CLSTN2: variants seen among roughly 807,000 people sequenced by gnomAD.
CLSTN2 encodes calsyntenin 2.
CLSTN2 carries 48 observed loss-of-function variants against 101.2 expected under a neutral mutation model. That is an observed-to-expected ratio of 0.47 (90% confidence interval 0.38 to 0.60). CLSTN2 has a LOEUF of 0.60. Among genes scored for constraint, CLSTN2 ranks in the 20% least tolerant of loss-of-function variants. The pLI is 0.00. For missense variants in CLSTN2, 1,160 were observed against 1,238.2 expected, an observed-to-expected ratio of 0.94 and a Z score of 0.95; for synonymous variants, 481 against 463.6, an observed-to-expected ratio of 1.04 and a Z score of -0.48.
At chr3:140,262,878 C>T (rs2086665758) in intron 2 of CLSTN2, among the ~76,000 whole-genome samples, 1 of 151,954 alleles carries the variant, frequency 6.6e-6, no homozygotes, top group African/African-American at 2.4e-5. Flanking sequence ...TAAGCCAGGA[C>T]CGGACCTCTT....
intron 1 of CLSTN2, among the ~76,000 whole-genome samples, chr3:140,007,771 A>G (rs1186722449): frequency 6.6e-6 from 1 of 152,132 alleles, no homozygotes; most frequent in Admixed American, 6.5e-5. Flanking sequence ...GTGCATACTG[A>G]GACTGTACAT....
chr3:140,407,753 A>G lies in CLSTN2; in HGVS notation c.637+2987A>G, dbSNP rs537788191. ...TCATCTGCTAGCTAGTTTTTCTGAGATAAGTAGAGCTTGGGTCCTCAAAAT... is the reference window on the plus strand; with the variant it reads ...TCATCTGCTAGCTAGTTTTTCTGAGGTAAGTAGAGCTTGGGTCCTCAAAAT... On this transcript the variant is annotated intron_variant, in intron 4 of 16. Transcript: ENST00000458420. Among the ~76,000 whole-genome samples the G allele has an allele frequency of 5.9e-5, 9 of 152,302 alleles. No individual in the cohort carries two copies. The South Asian group carries it at 1.7e-3, about 28-fold the overall frequency.
At chr3:140,491,920 T>C (rs1190557460) in intron 8 of CLSTN2, among the ~76,000 whole-genome samples, 2 of 152,160 alleles carry the variant, frequency 1.3e-5, no homozygotes, top group Non-Finnish European at 2.9e-5. Flanking sequence ...AATACTTCCT[T>C]TGGGAGACTC....
chr3:140,191,111 T>A (rs1049322637), intron 2 of CLSTN2, among the ~76,000 whole-genome samples: 10 of 152,102 alleles, frequency 6.6e-5, no homozygotes, highest in African/African-American at 2.4e-4. Flanking sequence ...TCTGTGAGGT[T>A]TTTTTAAAAA....
At chr3:140,084,538 A>G (rs867527328) in intron 1 of CLSTN2, among the ~76,000 whole-genome samples, 9 of 152,224 alleles carry the variant, frequency 5.9e-5, no homozygotes, top group African/African-American at 2.2e-4. Context: ...AGTCTACTGA[A>G]GTCTATCAGA....
intron 1 of CLSTN2, among the ~76,000 whole-genome samples, chr3:140,165,839 C>G (rs1027433534): frequency 2.0e-5 from 3 of 152,298 alleles, no homozygotes; most frequent in South Asian, 2.1e-4. Context: ...ATTACAAGAA[C>G]AGATACTCAA....
intron 1 of CLSTN2, among the ~76,000 whole-genome samples, chr3:140,156,475 C>T (rs1323144227): frequency 2.0e-5 from 3 of 152,166 alleles, no homozygotes; most frequent in Admixed American, 2.0e-4. Flanking sequence ...AACTGAGGAC[C>T]TGACCAGGCA....
intron 1 of CLSTN2, among the ~76,000 whole-genome samples, chr3:140,042,309 C>A (rs941682552): frequency 6.6e-6 from 1 of 152,184 alleles, no homozygotes; most frequent in Non-Finnish European, 1.5e-5. Context: ...GAGTATTGCG[C>A]ATAAATGGAA....
At chr3:140,147,644 A>T (rs2009800063) in intron 1 of CLSTN2, among the ~76,000 whole-genome samples, 1 of 151,994 alleles carries the variant, frequency 6.6e-6, no homozygotes, top group Admixed American at 6.5e-5. Context: ...TAGATCTAAG[A>T]GTATAGGCAT....
intron 1 of CLSTN2, among the ~76,000 whole-genome samples, chr3:139,977,310 G>C (rs1311987411): frequency 1.3e-5 from 2 of 152,114 alleles, no homozygotes; most frequent in Admixed American, 1.3e-4. Flanking sequence ...GACAGAAGGA[G>C]GGAAGGAGAG....
intron 8 of CLSTN2, among the ~76,000 whole-genome samples, chr3:140,516,258 C>CTACT (rs1430886940): frequency 6.6e-6 from 1 of 152,124 alleles, no homozygotes; most frequent in Non-Finnish European, 1.5e-5. Context: ...AAGACAGCAG[C>CTACT]TACTTGGTTG....
intron 10 of CLSTN2, among the ~76,000 whole-genome samples, chr3:140,546,949 T>C (rs1250443169): frequency 2.0e-5 from 3 of 152,234 alleles, no homozygotes; most frequent in African/African-American, 7.2e-5. Flanking sequence ...ACATGTTCAA[T>C]GTCCACCTGG....
chr3:140,561,198 A>G (rs776548421), intron 12 of CLSTN2, among the ~76,000 whole-genome samples: 3 of 152,144 alleles, frequency 2.0e-5, no homozygotes, highest in Non-Finnish European at 4.4e-5. Context: ...AAGTTTTTCA[A>G]TAAAGGAGTG....
chr3:139,963,693 T>C (rs984823832), intron 1 of CLSTN2, among the ~76,000 whole-genome samples: 2 of 152,214 alleles, frequency 1.3e-5, no homozygotes, highest in African/African-American at 4.8e-5. Context: ...GGCCTTTTTG[T>C]GGGTTGTGCC....
chr3:140,123,755 C>T (rs950712341), intron 1 of CLSTN2, among the ~76,000 whole-genome samples: 2 of 152,018 alleles, frequency 1.3e-5, no homozygotes, highest in East Asian at 1.9e-4. Context: ...GCTGTGTCCT[C>T]ACATGGACTT....
chr3:140,424,144 T>C (rs1001222046), intron 5 of CLSTN2, among the ~76,000 whole-genome samples: 1 of 152,160 alleles, frequency 6.6e-6, no homozygotes, highest in African/African-American at 2.4e-5. Context: ...CCTTAATTTT[T>C]TCCCCCAGCT....
intron 8 of CLSTN2, among the ~76,000 whole-genome samples, chr3:140,503,100 C>A (rs569442458): frequency 6.6e-6 from 1 of 152,296 alleles, no homozygotes; most frequent in Admixed American, 6.5e-5. Context: ...CTTCATTCAT[C>A]ACATCATGTC....
chr3:140,070,291 T>C (rs2008369313), intron 1 of CLSTN2, among the ~76,000 whole-genome samples: 1 of 152,192 alleles, frequency 6.6e-6, no homozygotes, highest in Admixed American at 6.5e-5. Flanking sequence ...ATATACTTTT[T>C]CACAAATGTT....
At chr3:140,230,003 T>C (rs1405399156) in intron 2 of CLSTN2, among the ~76,000 whole-genome samples, 1 of 152,164 alleles carries the variant, frequency 6.6e-6, no homozygotes, top group South Asian at 2.1e-4. Flanking sequence ...ATTGGAATTA[T>C]TGCATTCACA....
Sources: gnomAD v4.1 joint callset for allele counts (sites outside exome capture counted in the v4.1 genomes callset) on GRCh38, gnomAD v4.1.1 for gene constraint, MANE v1.5 for transcripts, NCBI Gene and HGNC (gene_info 2026-07-23, HGNC 2026-07-21) for gene names.